The following STARD13 variants were observed in gnomAD, a reference collection of about 807,000 sequenced individuals.
The protein encoded by STARD13 is StAR related lipid transfer domain containing 13.
Under a neutral mutation model 106.4 loss-of-function variants are expected in STARD13, and 62 were observed. The ratio of observed to expected loss-of-function variants is 0.58; its 90% CI spans 0.48 to 0.72. The LOEUF is 0.72. STARD13 is among the 30% of genes least tolerant of loss of function. The probability of loss-of-function intolerance (pLI) is 0.00; values close to 1 mark genes in which losing one functional copy is unlikely to be tolerated. For synonymous variants in STARD13, 565 were observed against 553.0 expected (o/e 1.02, Z -0.31); for missense variants, 1,387 against 1,424.0 (o/e 0.97, Z 0.42).
At chr13:33,307,350 A>T (rs896193499) in intron 1 of STARD13, among the ~76,000 whole-genome samples, 8 of 152,236 alleles carry the variant, frequency 5.3e-5, no homozygotes, top group African/African-American at 1.9e-4. Flanking sequence ...TTATAAAGAT[A>T]CATGCATGTG....
At chr13:33,499,597 CTTCTTCTTTCTTCTTCTTCTTCTTCTT>C in the STARD13 span, among the ~76,000 whole-genome samples, 5 of 59,464 alleles carry the variant, frequency 8.4e-5, no homozygotes, top group African/African-American at 2.6e-4. Flanking sequence ...TCTTCTTCTT[CTTCTTCTTTCTTCTTCTTCTTCTTCTT>C]CTTCTTCTTC....
the STARD13 span, among the ~76,000 whole-genome samples, chr13:33,382,614 G>T: frequency 6.6e-6 from 1 of 152,058 alleles, no homozygotes; most frequent in African/African-American, 2.4e-5. Context: ...ATGGATTCAA[G>T]AACTCTAAAA....
chr13:33,267,120 C>T (rs1171871705), intron 1 of STARD13, among the ~76,000 whole-genome samples: 4 of 152,182 alleles, frequency 2.6e-5, no homozygotes, highest in Non-Finnish European at 5.9e-5. Flanking sequence ...CAGCACACAG[C>T]TAAACTCTCC....
intron 1 of STARD13, among the ~76,000 whole-genome samples, chr13:33,252,511 C>T (rs542800549): frequency 6.0e-4 from 91 of 152,322 alleles, no homozygotes; most frequent in African/African-American, 2.1e-3. Flanking sequence ...CCAGTTTCAG[C>T]TTTGAACAGT....
At chr13:33,520,433 C>T in the STARD13 span, among the ~76,000 whole-genome samples, 672 of 152,190 alleles carry the variant, frequency 4.4e-3, 6 homozygotes, top group African/African-American at 0.016. Context: ...CTGCAGAAGA[C>T]ATAAGGACCT....
the STARD13 span, among the ~76,000 whole-genome samples, chr13:33,421,875 G>A: frequency 0.16 from 23,742 of 152,016 alleles, 4,437 homozygotes; most frequent in African/African-American, 0.44. Flanking sequence ...TGCAGAAAAG[G>A]CCTTCGACAA....
chr13:33,580,303 A>G, the STARD13 span, among the ~76,000 whole-genome samples: 1 of 152,134 alleles, frequency 6.6e-6, no homozygotes, highest in African/African-American at 2.4e-5. Flanking sequence ...TGGAAAGGCT[A>G]CACACCATAT....
At chr13:33,672,777 C>T in the STARD13 span, among the ~76,000 whole-genome samples, 73 of 152,298 alleles carry the variant, frequency 4.8e-4, no homozygotes, top group African/African-American at 1.5e-3. Flanking sequence ...CAATTTATCA[C>T]GTTGACCAAT....
the STARD13 span, among the ~76,000 whole-genome samples, chr13:33,487,686 C>A: frequency 1.3e-5 from 2 of 152,112 alleles, no homozygotes; most frequent in Admixed American, 6.5e-5. Flanking sequence ...TATTACAATG[C>A]CCTTACTCTC....
chr13:33,194,840 C>G (rs1047330595), intron 1 of STARD13, among the ~76,000 whole-genome samples: 1 of 152,026 alleles, frequency 6.6e-6, no homozygotes, highest in African/African-American at 2.4e-5. Flanking sequence ...TTAAAATGAC[C>G]ACAGCTACCA....
At chr13:33,142,213 T>C in intron 4 of STARD13, 97 bp downstream of exon 4, 1 of 919,308 alleles carries the variant, frequency 1.1e-6, no homozygotes. Context: ...TATTATTTTT[T>C]TGTAGACACA....
chr13:33,431,055 A>C, the STARD13 span, among the ~76,000 whole-genome samples: 1 of 152,246 alleles, frequency 6.6e-6, no homozygotes, highest in African/African-American at 2.4e-5. Flanking sequence ...CAAAATAGCT[A>C]GAAGAGAACA....
chr13:33,481,599 AAGAG>A, the STARD13 span, among the ~76,000 whole-genome samples: 2 of 152,284 alleles, frequency 1.3e-5, no homozygotes, highest in Admixed American at 6.5e-5. Context: ...AAATAATTAA[AAGAG>A]AGAGAAAACT....
intron 11 of STARD13, 55 bp downstream of exon 11, chr13:33,110,631 C>T (rs1874395494): frequency 8.8e-6 from 13 of 1,480,776 alleles, no homozygotes; most frequent in Non-Finnish European, 1.2e-5. Context: ...AAACAAATGT[C>T]TGATTGTTAG....
At chr13:33,299,443 T>C (rs1365369153) in intron 1 of STARD13, among the ~76,000 whole-genome samples, 1 of 152,318 alleles carries the variant, frequency 6.6e-6, no homozygotes, top group East Asian at 1.9e-4. Context: ...TTTCCACTAA[T>C]GCACCTCAAA....
chr13:33,129,376 C>T lies in STARD13; in HGVS notation c.1301G>A (p.Gly434Asp). Residue 434 changes from glycine (G) to aspartate (D), a missense_variant, in exon 5 of 14, where the codon GGC becomes GAC. Coordinates refer to ENST00000336934, the MANE Select transcript of STARD13 (RefSeq NM_178006.4). Reference protein sequence around the residue: ...VNWRTGSISLGREQVPGAREP... With the variant: ...VNWRTGSISLDREQVPGAREP... ...CCTGGCACCAGGGACCTGCTCTCTG[C>T]CCAGGGAGATGCTACCGGTCCTCCA... The T allele has an allele frequency of 1.9e-6, 3 of 1,614,164 alleles. No individual in the cohort carries two copies. Among genetic ancestry groups the T allele is most frequent in the Non-Finnish European group, 1.7e-6 (2 of 1,180,022 alleles).
At chr13:33,465,146 A>G in the STARD13 span, among the ~76,000 whole-genome samples, 3 of 148,286 alleles carry the variant, frequency 2.0e-5, no homozygotes, top group African/African-American at 7.5e-5. Context: ...TTTTCTTTCT[A>G]CCATTTACCA....
chr13:33,278,901 T>C (rs1184328209), intron 1 of STARD13, among the ~76,000 whole-genome samples: 1 of 152,196 alleles, frequency 6.6e-6, no homozygotes, highest in Non-Finnish European at 1.5e-5. Context: ...TATTCTTCTA[T>C]AAATGACCTC....
chr13:33,490,157 T>G, the STARD13 span, among the ~76,000 whole-genome samples: 1 of 152,158 alleles, frequency 6.6e-6, no homozygotes, highest in Non-Finnish European at 1.5e-5. Context: ...ATTTGTTTTT[T>G]TATGTGTTTT....
Sources: gnomAD v4.1 joint callset for allele counts (sites outside exome capture counted in the v4.1 genomes callset) on GRCh38, gnomAD v4.1.1 for gene constraint, MANE v1.5 for transcripts, NCBI Gene and HGNC (gene_info 2026-07-23, HGNC 2026-07-21) for gene names.